Variants in RNF169 observed in about 807,000 individuals in gnomAD.
RNF169 encodes the protein E3 ubiquitin-protein ligase RNF169.
RNF169 carries 24 observed loss-of-function variants against 53.9 expected under a neutral mutation model. The ratio of observed to expected loss-of-function variants is 0.45; its 90% CI spans 0.32 to 0.63. RNF169 has a LOEUF of 0.63. Ranked by LOEUF, RNF169 falls within the 20% of genes least tolerant of loss-of-function variation. RNF169 has a pLI of 0.04. For synonymous variants in RNF169, 396 were observed against 363.5 expected (o/e 1.09, Z -1.02); for missense variants, 883 against 906.2 (o/e 0.97, Z 0.33).
chr11:74,821,801 T>C (rs1208884906), intron 4 of RNF169, among the ~76,000 whole-genome samples: 2 of 152,262 alleles, frequency 1.3e-5, no homozygotes, highest in East Asian at 1.9e-4. Context: ...GGGTTCCTTT[T>C]TGAGGTGACA....
chr11:74,803,487 G>A (rs1023833951), intron 2 of RNF169, among the ~76,000 whole-genome samples: 8 of 152,202 alleles, frequency 5.3e-5, no homozygotes, highest in African/African-American at 1.9e-4. Context: ...AGTGTGGCAT[G>A]TATATATGTT....
chr11:74,764,654 G>A (rs1413298821), intron 1 of RNF169, among the ~76,000 whole-genome samples: 1 of 152,204 alleles, frequency 6.6e-6, no homozygotes, highest in Non-Finnish European at 1.5e-5. Flanking sequence ...ACTTAGGGGA[G>A]AAAGTAGGAT....
chr11:74,829,538 C>G (rs1304953038), intron 4 of RNF169, among the ~76,000 whole-genome samples: 1 of 148,330 alleles, frequency 6.7e-6, no homozygotes, highest in African/African-American at 2.6e-5. Flanking sequence ...AAAATACACG[C>G]ACATGTGTGT....
Position 74,810,264 on chromosome 11 carries a change from G to C in RNF169, c.657G>C (p.Gly219=), listed in dbSNP as rs1473614736. 6.2e-7 allele frequency: 1 copy of C among 1,613,872 alleles called. No homozygotes were observed. Among genetic ancestry groups the C allele is most frequent in the South Asian group, 1.1e-5 (1 of 91,064 alleles). The change falls in exon 3 of 6, where the codon GGG becomes GGC. Residue 219 remains glycine, a synonymous_variant. Transcript: ENST00000299563. Reference sequence around the variant, plus strand: ...TGTTACCAGAGGATACAGAAACAGGGAAAAGGAAAATGGATGAACAGAAAA... The same window carrying C: ...TGTTACCAGAGGATACAGAAACAGGCAAAAGGAAAATGGATGAACAGAAAA... ...HKLLPEDTET[G]KRKMDEQKKR...
chr11:74,819,429 C>T (rs1372899852), intron 4 of RNF169, among the ~76,000 whole-genome samples: 1 of 152,316 alleles, frequency 6.6e-6, no homozygotes, highest in East Asian at 1.9e-4. Flanking sequence ...CTTATAGATC[C>T]TCATGCTGCC....
At chr11:74,786,003 C>T (rs1185641940) in intron 1 of RNF169, among the ~76,000 whole-genome samples, 12 of 149,122 alleles carry the variant, frequency 8.0e-5, no homozygotes, top group African/African-American at 3.0e-4. Flanking sequence ...TGCAGTGGCA[C>T]GATCTCAGCT....
chr11:74,808,713 T>TA (rs2035836465), intron 2 of RNF169, among the ~76,000 whole-genome samples: 3 of 152,238 alleles, frequency 2.0e-5, no homozygotes, highest in Non-Finnish European at 4.4e-5. Flanking sequence ...TTTGAACCAT[T>TA]ATGCTCCTCT....
intron 4 of RNF169, among the ~76,000 whole-genome samples, chr11:74,824,658 G>C (rs1032369252): frequency 1.1e-4 from 17 of 152,304 alleles, no homozygotes; most frequent in African/African-American, 4.1e-4. Context: ...TTGAAATATT[G>C]TGAGAATTAC....
At chr11:74,780,962 G>C (rs921144398) in intron 1 of RNF169, among the ~76,000 whole-genome samples, 43 of 152,218 alleles carry the variant, frequency 2.8e-4, no homozygotes, top group African/African-American at 9.9e-4. Flanking sequence ...GAGAAGAGAT[G>C]TATAGCCTCT....
chr11:74,809,214 T>G (rs1027710147), intron 2 of RNF169, among the ~76,000 whole-genome samples: 2 of 152,158 alleles, frequency 1.3e-5, no homozygotes, highest in African/African-American at 2.4e-5. Context: ...ATTAAAAATA[T>G]TAGTAGCCTA....
At chr11:74,791,217 G>A (rs907112325) in intron 2 of RNF169, among the ~76,000 whole-genome samples, 7 of 152,156 alleles carry the variant, frequency 4.6e-5, no homozygotes, top group Non-Finnish European at 7.4e-5. Flanking sequence ...CATGTCTGCC[G>A]GAGTCTGGCT....
At chr11:74,756,402 G>T (rs2034983701) in intron 1 of RNF169, among the ~76,000 whole-genome samples, 1 of 152,180 alleles carries the variant, frequency 6.6e-6, no homozygotes. Flanking sequence ...TATGTTATTG[G>T]ATACTCTCTG....
At chr11:74,797,861 A>G (rs1024108229) in intron 2 of RNF169, among the ~76,000 whole-genome samples, 5 of 152,196 alleles carry the variant, frequency 3.3e-5, no homozygotes, top group Admixed American at 1.3e-4. Context: ...GCAGAAGAAC[A>G]TGGATTGTGA....
Position 74,795,368 on chromosome 11 carries a change from T to G in RNF169, c.576+5669T>G, listed in dbSNP as rs181735110. Among the ~76,000 whole-genome samples the G allele has an allele frequency of 4.4e-4, 66 of 151,680 alleles. No homozygotes were observed. The East Asian group carries it at 0.011, about 25-fold the overall frequency. On this transcript the variant is annotated intron_variant, in intron 2 of 5. Coordinates refer to ENST00000299563, the MANE Select transcript of RNF169 (RefSeq NM_001098638.2). ...CCAAGTAGCTGAGATTACAGGCACA[T>G]GCCACCATGCCCAGTGTGTTGCCCA...
chr11:74,791,964 G>A (rs1565178427), intron 2 of RNF169, among the ~76,000 whole-genome samples: 1 of 152,254 alleles, frequency 6.6e-6, no homozygotes, highest in Non-Finnish European at 1.5e-5. Context: ...CAGGCAGGCT[G>A]CTGCTGCCAT....
intron 2 of RNF169, among the ~76,000 whole-genome samples, chr11:74,791,424 C>A (rs2035578181): frequency 6.6e-6 from 1 of 152,250 alleles, no homozygotes; most frequent in Non-Finnish European, 1.5e-5. Context: ...CTGTCACCAT[C>A]AACCTGCCCT....
chr11:74,749,361 C>T lies in RNF169; in HGVS notation c.481C>T (p.Arg161Cys). The T allele has an allele frequency of 1.6e-6, 2 of 1,236,682 alleles. No homozygotes were observed. Among genetic ancestry groups the T allele is most frequent in the East Asian group, 3.1e-5 (1 of 32,028 alleles). 76.6% of individuals were successfully genotyped at this position (1,236,682 alleles called of 1,614,324 possible). A position where few individuals can be genotyped will look rare whatever the true frequency, so the allele number is the denominator to read the frequency against. Residue 161 changes from arginine (R) to cysteine (C), a missense_variant, in exon 1 of 6, where the codon CGT (arginine) becomes TGT (cysteine). Arg to Cys is a radical substitution (Grantham distance 180, BLOSUM62 -3). This residue lies in a region of RNF169 where 313 missense variants were observed against 279.9 expected (regional missense o/e 1.12). Transcript: ENST00000299563. ...AAGPRPEQEPRAAPAEPDFIF... is the reference protein window; with the variant it reads ...AAGPRPEQEPCAAPAEPDFIF... ...GGGGCCCAGGCCAGAGCAGGAGCCG[C>T]GTGCCGCGCCTGCGGAGCCAGGTGG...
rs962291178 is a variant in RNF169 at position 74,795,984 on chromosome 11, C to T, written c.576+6285C>T. On this transcript the variant is annotated intron_variant, in intron 2 of 5. Coordinates refer to ENST00000299563, the MANE Select transcript of RNF169 (RefSeq NM_001098638.2). ...CCATTTTCCTCAAATCCTTGCCAAA[C>T]CTTTTTCATTGTTTTGATATTTTAC... Among the ~76,000 whole-genome samples the T allele has an allele frequency of 9.9e-5, 15 of 152,180 alleles. 1 individual carries two copies. Among genetic ancestry groups the T allele is most frequent in the African/African-American group, 3.4e-4 (14 of 41,440 alleles).
chr11:74,755,178 G>A (rs141433595), intron 1 of RNF169, among the ~76,000 whole-genome samples: 1 of 152,260 alleles, frequency 6.6e-6, no homozygotes, highest in African/African-American at 2.4e-5. Context: ...GTCCTTATGT[G>A]TTATACCAAT....
Sources: gnomAD v4.1 joint callset for allele counts (sites outside exome capture counted in the v4.1 genomes callset) on GRCh38, gnomAD v4.1.1 for gene constraint, gnomAD v4.1.1 regional missense constraint, MANE v1.5 for transcripts, NCBI Gene and HGNC (gene_info 2026-07-23, HGNC 2026-07-21) for gene names.